PDGFRL: variants seen among roughly 807,000 people sequenced by gnomAD.
PDGFRL encodes platelet-derived growth factor receptor-like protein.
In PDGFRL, 46 loss-of-function variants were observed where a neutral mutation model predicts 37.2. The observed-to-expected ratio is 1.24, with a 90% CI of 0.98 to 1.58. The LOEUF (loss-of-function observed/expected upper bound fraction) is 1.58, where lower values mean the gene tolerates loss of function less well. Among genes scored for constraint, PDGFRL ranks in the 40% most tolerant of loss-of-function variants. The probability of loss-of-function intolerance (pLI) is 0.00; values close to 1 mark genes in which losing one functional copy is unlikely to be tolerated. For synonymous variants in PDGFRL, 251 were observed against 184.3 expected (o/e 1.36, Z -2.93); for missense variants, 692 against 467.6 (o/e 1.48, Z -4.43).
At chr8:17,632,390 G>A (rs1159454133) in intron 4 of PDGFRL, among the ~76,000 whole-genome samples, 2 of 151,764 alleles carry the variant, frequency 1.3e-5, no homozygotes, top group Non-Finnish European at 2.9e-5. Flanking sequence ...GCCCAGGCTG[G>A]AGTGCAGTGG....
At chr8:17,638,788 A>ATATATATAT (rs1805033295) in intron 5 of PDGFRL, among the ~76,000 whole-genome samples, 10 of 71,584 alleles carry the variant, frequency 1.4e-4, no homozygotes, top group Middle Eastern at 0.011. Context: ...TATATATATA[A>ATATATATAT]TTGTGATATT....
Position 17,606,010 on chromosome 8 carries a change from C to G in PDGFRL, c.354-15041C>G, listed in dbSNP as rs1804268635. ...ATGGAGCAGAGAGTGGGCTCCCAGC[C>G]AGGCTCATCATGTCATCCAGCATCT... On this transcript the variant is annotated intron_variant, in intron 2 of 5. Transcript: ENST00000251630. 2.0e-5 allele frequency among the ~76,000 whole-genome samples: 3 copies of G among 152,126 alleles called. No individual in the cohort carries two copies. The South Asian group carries it at 6.2e-4, about 32-fold the overall frequency.
At chr8:17,601,847 A>G (rs1285076512) in intron 2 of PDGFRL, among the ~76,000 whole-genome samples, 1 of 152,028 alleles carries the variant, frequency 6.6e-6, no homozygotes, top group Non-Finnish European at 1.5e-5. Context: ...TATGTACCAC[A>G]TTTTCTTTAT....
intron 4 of PDGFRL, 67 bp from the exon 5 acceptor site, chr8:17,634,007 C>A (rs980610813): frequency 1.2e-5 from 17 of 1,451,034 alleles, no homozygotes; most frequent in Non-Finnish European, 1.6e-5. Flanking sequence ...GAAAAGAATG[C>A]ATCTGTAGGT....
intron 2 of PDGFRL, among the ~76,000 whole-genome samples, chr8:17,602,550 A>G (rs576596358): frequency 7.2e-5 from 11 of 152,284 alleles, no homozygotes; most frequent in African/African-American, 2.4e-4. Flanking sequence ...AATGAAAAGC[A>G]GATACCCAGA....
intron 5 of PDGFRL, among the ~76,000 whole-genome samples, chr8:17,639,429 A>T (rs1805046531): frequency 6.6e-6 from 1 of 152,066 alleles, no homozygotes. Context: ...ATTTGTTTCA[A>T]TATTTAGTGC....
intron 2 of PDGFRL, among the ~76,000 whole-genome samples, chr8:17,601,314 G>C (rs1401699696): frequency 6.6e-6 from 1 of 152,152 alleles, no homozygotes; most frequent in Non-Finnish European, 1.5e-5. Flanking sequence ...TTCTATGAAT[G>C]AATGGTGCCA....
chr8:17,584,283 G>C (rs566764947), intron 1 of PDGFRL, among the ~76,000 whole-genome samples: 73 of 152,292 alleles, frequency 4.8e-4, no homozygotes, highest in African/African-American at 1.4e-3. Context: ...TCAGAGGTCA[G>C]ACATGCTAAA....
intron 2 of PDGFRL, among the ~76,000 whole-genome samples, chr8:17,591,242 TAAG>T (rs1013250694): frequency 4.6e-5 from 7 of 152,254 alleles, no homozygotes; most frequent in Non-Finnish European, 1.0e-4. Context: ...CCTCAACTGG[TAAG>T]AAGGCCCATG....
chr8:17,585,349 C>G (rs1026954155), intron 1 of PDGFRL, among the ~76,000 whole-genome samples: 1 of 152,044 alleles, frequency 6.6e-6, no homozygotes, highest in South Asian at 2.1e-4. Context: ...TACCCAGCCC[C>G]TATTCAAGAT....
chr8:17,619,563 T>G (rs983530878), intron 2 of PDGFRL, among the ~76,000 whole-genome samples: 1 of 152,256 alleles, frequency 6.6e-6, no homozygotes, highest in African/African-American at 2.4e-5. Context: ...ATGCATACTT[T>G]GGGCTCAGGA....
intron 2 of PDGFRL, among the ~76,000 whole-genome samples, chr8:17,601,820 T>C (rs888873995): frequency 1.3e-5 from 2 of 152,218 alleles, no homozygotes; most frequent in African/African-American, 4.8e-5. Flanking sequence ...TATGGTTGTG[T>C]AGTATTCCAT....
chr8:17,583,574 C>A (rs1390595096), intron 1 of PDGFRL, among the ~76,000 whole-genome samples: 2 of 152,140 alleles, frequency 1.3e-5, no homozygotes, highest in Non-Finnish European at 2.9e-5. Context: ...GCCAGAGGTG[C>A]AATGCTATGA....
At chr8:17,598,565 T>A (rs1804100683) in intron 2 of PDGFRL, among the ~76,000 whole-genome samples, 1 of 152,238 alleles carries the variant, frequency 6.6e-6, no homozygotes, top group Non-Finnish European at 1.5e-5. Context: ...TGAGTACTGA[T>A]GTGTACACTG....
At chr8:17,589,252 G>A (rs568948077) in intron 1 of PDGFRL, among the ~76,000 whole-genome samples, 15 of 152,096 alleles carry the variant, frequency 9.9e-5, no homozygotes, top group Middle Eastern at 3.4e-3. Context: ...TGGGTGTGGC[G>A]GCGGGCACCT....
At chr8:17,611,371 G>A (rs1240627837) in intron 2 of PDGFRL, among the ~76,000 whole-genome samples, 1 of 152,190 alleles carries the variant, frequency 6.6e-6, no homozygotes, top group Non-Finnish European at 1.5e-5. Context: ...ACCTTTAACC[G>A]TAGTTCAAGG....
intron 2 of PDGFRL, among the ~76,000 whole-genome samples, chr8:17,618,361 C>T (rs968599305): frequency 6.6e-6 from 1 of 152,108 alleles, no homozygotes; most frequent in East Asian, 1.9e-4. Flanking sequence ...TGGCCTGGGT[C>T]GACCATTTTT....
chr8:17,600,808 A>G (rs1243911030), intron 2 of PDGFRL, among the ~76,000 whole-genome samples: 1 of 138,618 alleles, frequency 7.2e-6, no homozygotes, highest in South Asian at 2.2e-4. Flanking sequence ...TCTCTAAAAA[A>G]AAAAAACAAA....
rs980657109 is a variant in PDGFRL, at chr8:17,583,271, G to T, written c.55+5964G>T. 2.0e-5 allele frequency among the ~76,000 whole-genome samples: 3 copies of T among 152,144 alleles called. 1 individual carries two copies. In the South Asian group the frequency reaches 6.2e-4, roughly 32 times the overall value. On this transcript the variant is annotated intron_variant, in intron 1 of 5. Transcript: ENST00000251630. ...GCCATGGGAACAGGGCTCATGTGGG[G>T]ATCCCAGAATTAGAGAGCCACCAGC...
Sources: allele counts gnomAD v4.1 joint callset (sites outside exome capture counted in the v4.1 genomes callset), GRCh38; gene constraint gnomAD v4.1.1; transcripts MANE v1.5; gene names NCBI Gene and HGNC (gene_info 2026-07-23, HGNC 2026-07-21).